CUBN: variants seen among roughly 807,000 people sequenced by gnomAD.
The protein encoded by CUBN is cubilin, also known as 460 kDa receptor.
Under a neutral mutation model 405.3 loss-of-function variants are expected in CUBN, and 282 were observed. The observed-to-expected ratio is 0.70, with a 90% CI of 0.63 to 0.77. The LOEUF is 0.77. Among genes scored for constraint, CUBN ranks in the 30% least tolerant of loss-of-function variants. CUBN has a pLI of 0.00. For synonymous variants in CUBN, 1,684 were observed against 1,617.0 expected, an observed-to-expected ratio of 1.04 and a Z score of -0.99; for missense variants, 4,514 against 4,475.2, an observed-to-expected ratio of 1.01 and a Z score of -0.25.
intron 60 of CUBN, among the ~76,000 whole-genome samples, chr10:16,843,519 C>G (rs780830): frequency 0.58 from 87,635 of 151,888 alleles, 29,613 homozygotes; most frequent in Non-Finnish European, 0.74. Flanking sequence ...TCAGATGAAA[C>G]TCGAGTTTTC....
intron 59 of CUBN, among the ~76,000 whole-genome samples, chr10:16,865,344 G>A (rs1482228610): frequency 1.3e-5 from 2 of 152,018 alleles, no homozygotes; most frequent in African/African-American, 4.8e-5. Context: ...GGGTATTTTT[G>A]CCTTGGTCTC....
chr10:17,031,658 G>A (rs1834791842), intron 27 of CUBN, among the ~76,000 whole-genome samples: 1 of 152,244 alleles, frequency 6.6e-6, no homozygotes, highest in African/African-American at 2.4e-5. Flanking sequence ...TCCCATGGTA[G>A]TCACCAGATA....
intron 17 of CUBN, among the ~76,000 whole-genome samples, chr10:17,076,629 G>A (rs1299204162): frequency 6.6e-6 from 1 of 152,152 alleles, no homozygotes; most frequent in African/African-American, 2.4e-5. Flanking sequence ...GCCATACGGA[G>A]AATTAATACA....
chr10:16,830,824 G>A (rs556214330), intron 65 of CUBN, among the ~76,000 whole-genome samples: 8 of 152,166 alleles, frequency 5.3e-5, no homozygotes, highest in Middle Eastern at 3.4e-3. Flanking sequence ...GGCCGGGCGC[G>A]GTGGCTCATG....
In CUBN at chr10:17,008,461, TGTGC is replaced by T. The variant is rs749739564; in HGVS notation, c.4168+11368_4168+11371del. Among the ~76,000 whole-genome samples the T allele has an allele frequency of 3.1e-3, 457 of 147,524 alleles. 5 individuals are homozygous for T. Among genetic ancestry groups the T allele is most frequent in the African/African-American group, 9.4e-3 (364 of 38,840 alleles). ...GTGTGTGTGTGTGTGTGTGTGTGTG[TGTGC>T]GCGCTTAGCCACATTATGTGCTTAG... On this transcript the variant is annotated intron_variant, in intron 28 of 66. Transcript: ENST00000377833.
intron 22 of CUBN, among the ~76,000 whole-genome samples, chr10:17,061,741 C>A (rs17139719): frequency 0.062 from 9,438 of 152,176 alleles, 434 homozygotes; most frequent in East Asian, 0.19. Flanking sequence ...TTTCCCTGGA[C>A]AATTGTGAAG....
chr10:17,075,798 ATC>A (rs1835843984), intron 17 of CUBN, among the ~76,000 whole-genome samples: 1 of 152,228 alleles, frequency 6.6e-6, no homozygotes, highest in Non-Finnish European at 1.5e-5. Flanking sequence ...TGCTAAATTT[ATC>A]TCTAACCAAA....
chr10:16,826,143 A>G (rs1400151618), intron 66 of CUBN, among the ~76,000 whole-genome samples: 2 of 152,220 alleles, frequency 1.3e-5, no homozygotes, highest in Admixed American at 1.3e-4. Flanking sequence ...CAAGGGATAT[A>G]GGATTTCCCT....
intron 22 of CUBN, among the ~76,000 whole-genome samples, chr10:17,056,572 G>A (rs1835401419): frequency 1.3e-5 from 2 of 151,864 alleles, no homozygotes; most frequent in Admixed American, 1.3e-4. Context: ...TCGCACCACC[G>A]GACTCCAGCC....
At chr10:16,923,685 G>A (rs1474594034) in intron 43 of CUBN, among the ~76,000 whole-genome samples, 1 of 152,204 alleles carries the variant, frequency 6.6e-6, no homozygotes, top group Non-Finnish European at 1.5e-5. Flanking sequence ...ATCCACAAAG[G>A]AATAGAAGAG....
At chr10:16,860,105 T>A (rs936051605) in intron 59 of CUBN, among the ~76,000 whole-genome samples, 8 of 151,990 alleles carry the variant, frequency 5.3e-5, no homozygotes, top group Admixed American at 3.9e-4. Flanking sequence ...TGATTAATTT[T>A]AAAAAGAAAA....
At chr10:16,848,114 A>C (rs2131332386) in intron 60 of CUBN, among the ~76,000 whole-genome samples, 1 of 152,336 alleles carries the variant, frequency 6.6e-6, no homozygotes, top group South Asian at 2.1e-4. Flanking sequence ...TTTTGAAGCA[A>C]GAAAATAACT....
At chr10:17,054,696 CA>C (rs1360382415) in intron 22 of CUBN, among the ~76,000 whole-genome samples, 1 of 151,876 alleles carries the variant, frequency 6.6e-6, no homozygotes, top group Non-Finnish European at 1.5e-5. Flanking sequence ...AAAAACTGTG[CA>C]AATATATTTG....
intron 27 of CUBN, among the ~76,000 whole-genome samples, chr10:17,026,008 A>G (rs1834653509): frequency 6.6e-6 from 1 of 152,150 alleles, no homozygotes; most frequent in African/African-American, 2.4e-5. Context: ...AGTGGCTCTC[A>G]TGCTAAAAGT....
At chr10:17,027,857 G>C (rs1564486666) in intron 27 of CUBN, among the ~76,000 whole-genome samples, 2 of 151,904 alleles carry the variant, frequency 1.3e-5, no homozygotes, top group South Asian at 4.2e-4. Context: ...ATCATAACTA[G>C]ATTTTTATTA....
At chr10:16,954,691 C>T (rs2131634352) in intron 31 of CUBN, 143 bp from the exon 32 acceptor site, 3 of 870,298 alleles carry the variant, frequency 3.4e-6, no homozygotes, top group East Asian at 5.3e-5. Flanking sequence ...TGTCCTTTCT[C>T]ACAGCTGTAA....
At chr10:16,864,527 T>G (rs1046394096) in intron 59 of CUBN, among the ~76,000 whole-genome samples, 1 of 152,212 alleles carries the variant, frequency 6.6e-6, no homozygotes, top group East Asian at 1.9e-4. Context: ...ATATTTCAAA[T>G]TGATCAGTTT....
Position 16,925,732 on chromosome 10 carries a change from G to A in CUBN, c.6314C>T (p.Ser2105Phe). The A allele has an allele frequency of 3.7e-6, 6 of 1,614,002 alleles. No individual in the cohort carries two copies. Among genetic ancestry groups the A allele is most frequent in the Non-Finnish European group, 5.1e-6 (6 of 1,179,932 alleles). Residue 2105 changes from serine to phenylalanine, a missense_variant, in exon 42 of 67, where the codon TCC (serine) becomes TTC (phenylalanine). This residue lies in a region of CUBN where 1,613 missense variants were observed against 1,542.8 expected (regional missense o/e 1.05). Transcript: ENST00000377833. ...TGGGTAAGTCTCTGGATACTTGGGG[G>A]ACGTGATGATCCCTCTGTCTGCATG... The part of the protein sequence containing the change: ...YLHADRGIIT[S>F]PKYPETYPSN...
At chr10:17,069,413 T>C (rs1835686155) in intron 19 of CUBN, among the ~76,000 whole-genome samples, 1 of 152,202 alleles carries the variant, frequency 6.6e-6, no homozygotes, top group African/African-American at 2.4e-5. Context: ...TGCCAACTGT[T>C]TTTCAAGGTG....
Sources: gnomAD v4.1 joint callset for allele counts (sites outside exome capture counted in the v4.1 genomes callset) on GRCh38, gnomAD v4.1.1 for gene constraint, gnomAD v4.1.1 regional missense constraint, MANE v1.5 for transcripts, NCBI Gene and HGNC (gene_info 2026-07-23, HGNC 2026-07-21) for gene names.